Variants in GRK4 observed in about 807,000 individuals in gnomAD.
GRK4 encodes the protein G protein-coupled receptor kinase 2-like.
GRK4 carries 73 observed loss-of-function variants against 77.9 expected under a neutral mutation model. That is an observed-to-expected ratio of 0.94 (90% CI 0.78 to 1.14). GRK4 has a LOEUF of 1.14. Among genes scored for constraint, GRK4 ranks in the 50% most tolerant of loss-of-function variants. The probability of loss-of-function intolerance (pLI) is 0.00; values close to 1 mark genes in which losing one functional copy is unlikely to be tolerated. For missense variants in GRK4, 729 were observed against 700.2 expected (o/e 1.04, Z -0.46); for synonymous variants, 257 against 254.4 (o/e 1.01, Z -0.10).
intron 5 of GRK4, among the ~76,000 whole-genome samples, chr4:3,005,774 C>G (rs1731140767): frequency 6.6e-6 from 1 of 151,900 alleles, no homozygotes; most frequent in South Asian, 2.1e-4. Flanking sequence ...CCACTGTACT[C>G]CAGCCTGGGC....
chr4:3,038,307 C>G (rs975742637), intron 14 of GRK4, 69 bp from the exon 15 acceptor site: 9 of 1,589,204 alleles, frequency 5.7e-6, no homozygotes, highest in African/African-American at 1.3e-5. Flanking sequence ...GAGCTGCTGG[C>G]ACTGGGAGAC....
rs556111382 is a variant in GRK4, at chr4:3,001,155, A to G, written c.340-3076A>G. On this transcript the variant is annotated intron_variant, in intron 4 of 15. Transcript: ENST00000398052. Reference sequence around the variant, plus strand: ...TGTATATATATAGGTATATATGTGTATGTGTATATATATGTATATATGTGT... The same window carrying G: ...TGTATATATATAGGTATATATGTGTGTGTGTATATATATGTATATATGTGT... Among the ~76,000 whole-genome samples the G allele has an allele frequency of 5.2e-3, 688 of 131,786 alleles. 44 individuals are homozygous for G. The highest frequency in any genetic ancestry group is 0.02 in the African/African-American group (645 of 32,554). 86.5% of individuals were successfully genotyped at this position (131,786 alleles called of 152,430 possible).
At chr4:3,021,938 T>C (rs977196214) in intron 9 of GRK4, among the ~76,000 whole-genome samples, 1 of 152,136 alleles carries the variant, frequency 6.6e-6, no homozygotes, top group Admixed American at 6.5e-5. Context: ...CATCAGTAGG[T>C]ATCACTAAGC....
At chr4:3,030,344 C>T (rs139103034) in intron 12 of GRK4, among the ~76,000 whole-genome samples, 5 of 152,334 alleles carry the variant, frequency 3.3e-5, no homozygotes, top group African/African-American at 1.2e-4. Context: ...GTGTTACCAC[C>T]CCTCACTGCC....
intron 12 of GRK4, among the ~76,000 whole-genome samples, chr4:3,034,875 G>A (rs2798298): frequency 0.65 from 98,358 of 151,928 alleles, 32,548 homozygotes; most frequent in African/African-American, 0.78. Flanking sequence ...GCTCAAAGGC[G>A]AAACCTTCGC....
chr4:2,967,188 C>T (rs1416571311), intron 1 of GRK4, among the ~76,000 whole-genome samples: 3 of 152,192 alleles, frequency 2.0e-5, no homozygotes, highest in Non-Finnish European at 4.4e-5. Context: ...GCTTCCAGAA[C>T]TGTGAGAAAT....
intron 10 of GRK4, among the ~76,000 whole-genome samples, chr4:3,025,211 C>A (rs545566055): frequency 7.0e-6 from 1 of 142,234 alleles, no homozygotes; most frequent in Admixed American, 7.3e-5. Context: ...GCGGAGGTTG[C>A]AGTGAGCTGA....
At chr4:3,000,586 G>A (rs6826060) in intron 4 of GRK4, among the ~76,000 whole-genome samples, 59,580 of 137,688 alleles carry the variant, frequency 0.43, 12,718 homozygotes, top group African/African-American at 0.58. Flanking sequence ...TTTTTTTTTT[G>A]AAACAGTCTT....
chr4:2,983,961 A>G (rs751367789), intron 1 of GRK4, among the ~76,000 whole-genome samples: 4 of 152,252 alleles, frequency 2.6e-5, no homozygotes, highest in South Asian at 4.1e-4. Context: ...AGATCTCATG[A>G]GAACTCCCTC....
chr4:2,973,931 G>A (rs13103004), intron 1 of GRK4, among the ~76,000 whole-genome samples: 11,199 of 152,180 alleles, frequency 0.074, 451 homozygotes, highest in African/African-American at 0.11. Flanking sequence ...GCCTCCACAC[G>A]GTTTCCTCTG....
intron 4 of GRK4, among the ~76,000 whole-genome samples, chr4:3,003,428 T>A (rs564383556): frequency 8.5e-5 from 13 of 152,194 alleles, no homozygotes; most frequent in African/African-American, 3.1e-4. Flanking sequence ...TGACCTCAAC[T>A]GATCCACATA....
In GRK4 at chr4:2,982,291, G is replaced by A. The variant is rs756204445; in HGVS notation, c.53-2222G>A. Among the ~76,000 whole-genome samples the A allele has an allele frequency of 5.3e-5, 8 of 152,226 alleles. No homozygotes were observed. The South Asian group carries it at 8.3e-4, about 16-fold the overall frequency. ...ACCTCATCCAGGCCCTGCCTGCCTC[G>A]CTGCTTGGATCCTGGGAAGGTGGAA... On this transcript the variant is annotated intron_variant, in intron 1 of 15. Coordinates refer to ENST00000398052, the MANE Select transcript of GRK4 (RefSeq NM_182982.3).
chr4:2,967,723 T>C (rs1718179199), intron 1 of GRK4, among the ~76,000 whole-genome samples: 1 of 151,492 alleles, frequency 6.6e-6, no homozygotes, highest in African/African-American at 2.4e-5. Context: ...GTTGGTGTTT[T>C]GTTTTATTTT....
intron 4 of GRK4, among the ~76,000 whole-genome samples, chr4:3,001,089 ATGTGTGTGTGTGTGTG>A (rs1490130793): frequency 3.0e-3 from 246 of 81,308 alleles, no homozygotes; most frequent in African/African-American, 4.7e-3. Context: ...ATATATATAT[ATGTGTGTGTGTGTGTG>A]TATATATATG....
chr4:2,989,162 C>G (rs1355628818), intron 3 of GRK4, among the ~76,000 whole-genome samples: 1 of 151,864 alleles, frequency 6.6e-6, no homozygotes, highest in African/African-American at 2.4e-5. Context: ...GCCTGGGCGA[C>G]AGAGCAAGAC....
intron 12 of GRK4, among the ~76,000 whole-genome samples, chr4:3,033,472 T>C (rs746180071): frequency 6.6e-6 from 1 of 152,192 alleles, no homozygotes; most frequent in Non-Finnish European, 1.5e-5. Context: ...TGGCCCTCGA[T>C]GGGAGTGGAG....
At chr4:2,965,233 G>A in intron 1 of GRK4, 1 of 701,336 alleles carries the variant, frequency 1.4e-6, no homozygotes, top group Non-Finnish European at 2.6e-6. Flanking sequence ...ACCCATGCTG[G>A]TCTCTCTAGT....
intron 1 of GRK4, among the ~76,000 whole-genome samples, chr4:2,968,280 A>C (rs561617316): frequency 6.6e-6 from 1 of 152,290 alleles, no homozygotes; most frequent in East Asian, 1.9e-4. Flanking sequence ...ACGTGCATTT[A>C]ATGTGGGTTT....
intron 10 of GRK4, among the ~76,000 whole-genome samples, chr4:3,027,592 T>C (rs1017616654): frequency 6.6e-6 from 1 of 152,222 alleles, no homozygotes; most frequent in Non-Finnish European, 1.5e-5. Context: ...ATTATATTTT[T>C]ATTGATGTAC....
Sources: gnomAD v4.1 joint callset for allele counts (sites outside exome capture counted in the v4.1 genomes callset) on GRCh38, gnomAD v4.1.1 for gene constraint, MANE v1.5 for transcripts, NCBI Gene and HGNC (gene_info 2026-07-23, HGNC 2026-07-21) for gene names.